The following GNAZ variants were observed in gnomAD, a reference collection of about 807,000 sequenced individuals.
GNAZ encodes the protein G protein subunit alpha z.
GNAZ carries 3 observed loss-of-function variants against 25.4 expected under a neutral mutation model. The observed-to-expected ratio is 0.12, with a 90% confidence interval of 0.05 to 0.30. GNAZ has a LOEUF of 0.30. Ranked by LOEUF, GNAZ falls within the 10% of genes least tolerant of loss-of-function variation. The pLI is 1.00. For synonymous variants in GNAZ, 211 were observed against 205.7 expected, an observed-to-expected ratio of 1.03 and a Z score of -0.22; for missense variants, 241 against 501.8, an observed-to-expected ratio of 0.48 and a Z score of 4.97.
intron 2 of GNAZ, among the ~76,000 whole-genome samples, chr22:23,120,813 A>G (rs922239602): frequency 1.3e-5 from 2 of 152,014 alleles, no homozygotes; most frequent in African/African-American, 4.8e-5. Context: ...AAGCTCCATC[A>G]CCTGGCATGA....
At chr22:23,085,962 TC>T (rs1314207564) in intron 1 of GNAZ, among the ~76,000 whole-genome samples, 2 of 152,228 alleles carry the variant, frequency 1.3e-5, no homozygotes, top group African/African-American at 4.8e-5. Flanking sequence ...CAGGCGCTAA[TC>T]CCCGCTGTTT....
At chr22:23,111,082 G>A (rs566125526) in intron 2 of GNAZ, among the ~76,000 whole-genome samples, 2 of 152,358 alleles carry the variant, frequency 1.3e-5, no homozygotes, top group African/African-American at 4.8e-5. Flanking sequence ...TGGGGGGCCT[G>A]CGCGCCTTCC....
At chr22:23,076,773 T>G (rs1283080443) in intron 1 of GNAZ, among the ~76,000 whole-genome samples, 1 of 152,132 alleles carries the variant, frequency 6.6e-6, no homozygotes, top group Non-Finnish European at 1.5e-5. Flanking sequence ...TAAAGGAACA[T>G]GATGATGGTA....
chr22:23,075,756 T>C (rs1040609933), intron 1 of GNAZ, among the ~76,000 whole-genome samples: 3 of 152,152 alleles, frequency 2.0e-5, no homozygotes, highest in East Asian at 1.9e-4. Context: ...CTCATGGCCA[T>C]GGGGGACCGT....
At chr22:23,088,466 G>C (rs1470182756) in intron 1 of GNAZ, among the ~76,000 whole-genome samples, 1 of 152,196 alleles carries the variant, frequency 6.6e-6, no homozygotes. Context: ...TACAGGAGCC[G>C]CGGCTGCCTG....
intron 1 of GNAZ, among the ~76,000 whole-genome samples, chr22:23,082,065 C>T (rs2068695779): frequency 6.8e-6 from 1 of 146,752 alleles, no homozygotes; most frequent in African/African-American, 2.5e-5. Flanking sequence ...GCGGAGCTTG[C>T]AGTGAGCCGA....
At chr22:23,108,546 AG>A (rs2069550910) in intron 2 of GNAZ, among the ~76,000 whole-genome samples, 1 of 152,232 alleles carries the variant, frequency 6.6e-6, no homozygotes, top group Admixed American at 6.5e-5. Flanking sequence ...GGGTTTGCAC[AG>A]GGGGCAACCC....
intron 2 of GNAZ, among the ~76,000 whole-genome samples, chr22:23,112,328 C>T (rs1222259069): frequency 6.6e-6 from 1 of 152,220 alleles, no homozygotes; most frequent in African/African-American, 2.4e-5. Flanking sequence ...ACACCAGGCT[C>T]TAGGGCCCAG....
intron 1 of GNAZ, among the ~76,000 whole-genome samples, chr22:23,075,487 A>G (rs546878946): frequency 1.3e-5 from 2 of 152,328 alleles, no homozygotes; most frequent in Non-Finnish European, 2.9e-5. Context: ...AGCTTCACAC[A>G]GCAATGGCTT....
intron 2 of GNAZ, among the ~76,000 whole-genome samples, chr22:23,097,547 T>C (rs2069162890): frequency 6.6e-6 from 1 of 152,208 alleles, no homozygotes; most frequent in South Asian, 2.1e-4. Context: ...GTGTTGATGG[T>C]GTGCCTGGGG....
At chr22:23,114,387 C>G (rs1231595959) in intron 2 of GNAZ, among the ~76,000 whole-genome samples, 3 of 152,206 alleles carry the variant, frequency 2.0e-5, no homozygotes, top group Non-Finnish European at 4.4e-5. Flanking sequence ...GACAGACCGG[C>G]CCCGGCCCCA....
chr22:23,086,988 G>A (rs936070529), intron 1 of GNAZ, among the ~76,000 whole-genome samples: 3 of 152,250 alleles, frequency 2.0e-5, no homozygotes, highest in African/African-American at 7.2e-5. Context: ...AAGCACATGC[G>A]GCTCCGATAA....
At chr22:23,081,181 A>G (rs2068667171) in intron 1 of GNAZ, among the ~76,000 whole-genome samples, 1 of 152,216 alleles carries the variant, frequency 6.6e-6, no homozygotes, top group Admixed American at 6.5e-5. Flanking sequence ...GGGGACAAGG[A>G]GTATAACAGC....
Position 23,096,225 on chromosome 22 carries a change from G to A in GNAZ, c.530G>A (p.Arg177His), listed in dbSNP as rs369848697. 10 of 1,613,850 alleles carry A rather than the reference G, an allele frequency of 6.2e-6. No homozygotes were observed. The highest frequency in any genetic ancestry group is 2.2e-5 in the South Asian group (2 of 91,082). ...DYIPTVEDILRSRDMTTGIVE... is the reference protein window; with the variant it reads ...DYIPTVEDILHSRDMTTGIVE... ...ATCCCCACTGTCGAGGACATCCTGC[G>A]CTCCCGGGACATGACCACGGGCATT... Residue 177 changes from arginine (R) to histidine (H), a missense_variant, in exon 2 of 3, where the codon CGC becomes CAC. By Grantham distance (29) the Arg-to-His change is conservative (BLOSUM62 0). Coordinates refer to ENST00000615612, the MANE Select transcript of GNAZ (RefSeq NM_002073.4).
chr22:23,091,703 G>T (rs9624022), intron 1 of GNAZ, among the ~76,000 whole-genome samples: 1 of 151,984 alleles, frequency 6.6e-6, no homozygotes, highest in Non-Finnish European at 1.5e-5. Flanking sequence ...CACACGCACC[G>T]CAATGGACCT....
chr22:23,097,539 G>A (rs1187492107), intron 2 of GNAZ, among the ~76,000 whole-genome samples: 2 of 152,254 alleles, frequency 1.3e-5, no homozygotes, highest in African/African-American at 4.8e-5. Flanking sequence ...GTGCCTAGGT[G>A]TTGATGGTGT....
intron 2 of GNAZ, among the ~76,000 whole-genome samples, chr22:23,121,390 G>A (rs2070020205): frequency 6.6e-6 from 1 of 152,216 alleles, no homozygotes; most frequent in Non-Finnish European, 1.5e-5. Context: ...GCTCTGGAGA[G>A]CAGGGTTTCT....
chr22:23,117,569 G>A (rs1026613494), intron 2 of GNAZ, among the ~76,000 whole-genome samples: 2 of 152,242 alleles, frequency 1.3e-5, no homozygotes, highest in African/African-American at 4.8e-5. Context: ...GCAGGTGAGA[G>A]GACGTCCCAG....
At chr22:23,106,585 A>AGT (rs2069484603) in intron 2 of GNAZ, among the ~76,000 whole-genome samples, 1 of 152,088 alleles carries the variant, frequency 6.6e-6, no homozygotes, top group Admixed American at 6.5e-5. Context: ...TCCCCTGGCT[A>AGT]GTGAGGAGGT....
Sources: gnomAD v4.1 joint callset for allele counts (sites outside exome capture counted in the v4.1 genomes callset) on GRCh38, gnomAD v4.1.1 for gene constraint, MANE v1.5 for transcripts, NCBI Gene and HGNC (gene_info 2026-07-23, HGNC 2026-07-21) for gene names.